The following ACBD4 variants were observed in gnomAD, a reference collection of about 807,000 sequenced individuals.
The protein encoded by ACBD4 is acyl-CoA binding domain containing 4, also known as acyl-CoA-binding domain-containing protein 4.
ACBD4 carries 41 observed loss-of-function variants against 46.0 expected under a neutral mutation model. The observed-to-expected ratio is 0.89, with a 90% CI of 0.69 to 1.16. The LOEUF is 1.16. ACBD4 is among the 50% of genes most tolerant of loss of function. The probability of loss-of-function intolerance (pLI) is 0.00; values close to 1 mark genes in which losing one functional copy is unlikely to be tolerated. For synonymous variants in ACBD4, 162 were observed against 155.9 expected (o/e 1.04, Z -0.29); for missense variants, 393 against 399.5 (o/e 0.98, Z 0.14).
chr17:45,133,495 A>G (rs1386235336), upstream of ACBD4: 2 of 134,572 alleles, frequency 1.5e-5, no homozygotes. Flanking sequence ...TTGGGTCCCT[A>G]CGCCACTCTG....
rs374486547 is a variant in ACBD4, at chr17:45,136,185, A to G, written c.41A>G (p.Lys14Arg). ...GAAAGCCCAGAGCCCGACTGCCAGA[A>G]ACAGTTCCAGGCTGCAGTGAGCGTC... ...EKESPEPDCQ[K>R]QFQAAVSVIQ... Residue 14 changes from lysine to arginine, a missense_variant, in exon 2 of 10, where the codon AAA becomes AGA. Physicochemically the swap from Lys to Arg is conservative, Grantham distance 26 (BLOSUM62 2). Coordinates refer to ENST00000321854, the MANE Select transcript of ACBD4 (RefSeq NM_001135705.3). 6.2e-7 allele frequency: 1 copy of G among 1,613,614 alleles called. No homozygotes were observed. The highest frequency in any genetic ancestry group is 8.5e-7 in the Non-Finnish European group (1 of 1,179,830).
chr17:45,133,592 C>T (rs1228700966), upstream of ACBD4, among the ~76,000 whole-genome samples: 1 of 116,292 alleles, frequency 8.6e-6, no homozygotes, highest in East Asian at 2.6e-4. Context: ...AGTGCAGTGG[C>T]GGGATCTCGG....
intron 9 of ACBD4, 63 bp from the exon 10 acceptor site, chr17:45,143,380 G>T (rs530532904): frequency 8.8e-6 from 12 of 1,370,032 alleles, no homozygotes; most frequent in Non-Finnish European, 1.2e-5. Context: ...ATTGGAAGCA[G>T]GTTCCTAGGG....
chr17:45,143,496 C>G lies in ACBD4; in HGVS notation c.843C>G (p.Pro281=), dbSNP rs1325576172. 1 of 1,613,574 alleles carries G rather than the reference C, an allele frequency of 6.2e-7. No homozygotes were observed. The highest frequency in any genetic ancestry group is 1.3e-5 in the African/African-American group (1 of 74,930). Residue 281 remains proline (P), a synonymous_variant, in exon 10 of 10, where the codon CCC becomes CCG. Transcript: ENST00000321854. The stretch of plus-strand genomic sequence containing the variant: ...CATGGCCCCTTGGGCTCCCGGGGCC[C>G]GCGCTGCTCTTCTTCCTCCTGTGGC... ...ARPWPLGLPG[P]ALLFFLLWPF...
chr17:45,143,232 G>C (rs917164920), intron 9 of ACBD4, among the ~76,000 whole-genome samples: 1 of 152,202 alleles, frequency 6.6e-6, no homozygotes, highest in Non-Finnish European at 1.5e-5. Flanking sequence ...AGCCCCGCCA[G>C]CCTCTCTTGA....
chr17:45,142,169 G>A (rs923016549), intron 9 of ACBD4, among the ~76,000 whole-genome samples: 8 of 151,892 alleles, frequency 5.3e-5, no homozygotes, highest in African/African-American at 1.9e-4. Context: ...GAGGTGGGTG[G>A]ATCACCCGAG....
Position 45,143,788 on chromosome 17 carries a change from C to T in ACBD4, c.*217C>T. Reference sequence around the variant, plus strand: ...CCCTCCCCGCAACCACCCCAGGCTCCCCTGGGAGGCTGCAGTTGTGGTACA... The same window carrying T: ...CCCTCCCCGCAACCACCCCAGGCTCTCCTGGGAGGCTGCAGTTGTGGTACA... On this transcript the variant is annotated 3_prime_UTR_variant, in exon 10 of 10. Coordinates refer to ENST00000321854, the MANE Select transcript of ACBD4 (RefSeq NM_001135705.3). 2.7e-6 allele frequency: 2 copies of T among 743,440 alleles called. No homozygotes were observed. The highest frequency in any genetic ancestry group is 4.3e-6 in the Non-Finnish European group (2 of 468,342). The allele number at this position is 743,440 out of a possible 1,614,324, so 46.1% of individuals were successfully genotyped here. A position where few individuals can be genotyped will look rare whatever the true frequency, so the allele number is the denominator to read the frequency against.
upstream of ACBD4, chr17:45,132,486 C>T (rs1228114138): frequency 3.0e-5 from 29 of 978,972 alleles, no homozygotes; most frequent in Non-Finnish European, 3.6e-5. This position sits in a 1 kb window ranked among gnomAD's most constrained non-coding sequence, Gnocchi z 4.6. Context: ...TCTGGCCCGG[C>T]CCCGGCTCTG....
chr17:45,140,873 C>T (rs907450771), intron 9 of ACBD4, among the ~76,000 whole-genome samples: 1 of 152,076 alleles, frequency 6.6e-6, no homozygotes, highest in Admixed American at 6.6e-5. Context: ...CTTAGCTGGG[C>T]GAGGTGGCAG....
chr17:45,137,845 C>T lies in ACBD4; in HGVS notation c.573+15C>T. Reference sequence around the variant, plus strand: ...AGCCTGAGCTGGTGAGCCCAGTCCCCATTCCCCCCTTTTCCCACCCCACTG... The same window carrying T: ...AGCCTGAGCTGGTGAGCCCAGTCCCTATTCCCCCCTTTTCCCACCCCACTG... On this transcript the variant is annotated intron_variant, in intron 7 of 9. Transcript: ENST00000321854. The T allele has an allele frequency of 6.2e-7, 1 of 1,613,268 alleles. No individual in the cohort carries two copies. Among genetic ancestry groups the T allele is most frequent in the Non-Finnish European group, 8.5e-7 (1 of 1,179,278 alleles).
At position 45,136,550 on chromosome 17, in the gene ACBD4, AAGC is replaced by A; in HGVS notation, c.142_144del (p.Gln48del). On this transcript the variant is annotated inframe_deletion, in exon 3 of 10. Transcript: ENST00000321854. ...GATGCTGCGATTCTACAGTTACTAC[AAGC>A]AGGCCACCATGGGGCCCTGCCTGGT... is the stretch of plus-strand genomic sequence containing the variant. The A allele has an allele frequency of 6.2e-7, 1 of 1,613,848 alleles. No individual in the cohort carries two copies.
intron 9 of ACBD4, 125 bp downstream of exon 9, chr17:45,139,285 G>A: frequency 2.0e-6 from 2 of 1,011,238 alleles, no homozygotes; most frequent in African/African-American, 1.6e-5. Context: ...TCCAGAGAAT[G>A]GCATGGCTCC....
At position 45,137,431 on chromosome 17, in the gene ACBD4, A is replaced by C; in HGVS notation, c.479A>C (p.Lys160Thr). The change falls in exon 6 of 10, where the codon AAG (lysine) becomes ACG (threonine). Residue 160 changes from lysine to threonine, a missense_variant. By Grantham distance (78) the Lys-to-Thr change is moderately conservative. Coordinates refer to ENST00000321854, the MANE Select transcript of ACBD4 (RefSeq NM_001135705.3). ...GTTTCAGAGCCTCCCTGCCTCCCCAAGGAACCGGCACCCCCAAGCCCAGGT... is the reference window on the plus strand; with the variant it reads ...GTTTCAGAGCCTCCCTGCCTCCCCACGGAACCGGCACCCCCAAGCCCAGGT... ...GAVSEPPCLP[K>T]EPAPPSPESH... 6.2e-7 allele frequency: 1 copy of C among 1,613,914 alleles called. No homozygotes were observed. Among genetic ancestry groups the C allele is most frequent in the Non-Finnish European group, 8.5e-7 (1 of 1,179,972 alleles).
chr17:45,133,466 A>G (rs539918154), upstream of ACBD4: 40 of 149,030 alleles, frequency 2.7e-4, no homozygotes, highest in African/African-American at 9.9e-4. Flanking sequence ...TCCCAGGCCC[A>G]GAGATTCTGC....
intron 9 of ACBD4, chr17:45,142,573 TGA>T: frequency 4.8e-6 from 1 of 207,878 alleles, no homozygotes; most frequent in South Asian, 4.6e-5. Flanking sequence ...TTTTTTTTTT[TGA>T]GATGCAGTCT....
intron 8 of ACBD4, chr17:45,138,339 A>T: frequency 2.5e-6 from 1 of 407,806 alleles, no homozygotes; most frequent in Non-Finnish European, 4.5e-6. Flanking sequence ...CTCAGAAGAC[A>T]ATGAGTTCTG....
intron 4 of ACBD4, 53 bp from the exon 5 acceptor site, chr17:45,136,966 G>A (rs1279920098): frequency 1.2e-6 from 2 of 1,610,706 alleles, no homozygotes; most frequent in Non-Finnish European, 1.7e-6. Flanking sequence ...GGCAGGAGCA[G>A]GGAGGAAGGG....
At chr17:45,138,745 T>C (rs999492225) in intron 8 of ACBD4, among the ~76,000 whole-genome samples, 1 of 151,340 alleles carries the variant, frequency 6.6e-6, no homozygotes, top group Non-Finnish European at 1.5e-5. Context: ...CCGAGGTCAT[T>C]GTGCCACTGC....
chr17:45,139,291 G>A (rs766130173), intron 9 of ACBD4, 131 bp downstream of exon 9: 5 of 969,658 alleles, frequency 5.2e-6, no homozygotes, highest in Non-Finnish European at 7.8e-6. Context: ...GAATGGCATG[G>A]CTCCTGCTAC....
Sources: gnomAD v4.1 joint callset for allele counts (sites outside exome capture counted in the v4.1 genomes callset) on GRCh38, gnomAD v4.1.1 for gene constraint, Gnocchi (gnomAD v3.1) non-coding constraint, MANE v1.5 for transcripts, NCBI Gene and HGNC (gene_info 2026-07-23, HGNC 2026-07-21) for gene names.